NALF1: variants seen among roughly 807,000 people sequenced by gnomAD.
NALF1 encodes NALCN channel auxiliary factor 1.
A neutral mutation model predicts 48.4 loss-of-function variants in NALF1; 3 were observed. That is an observed-to-expected ratio of 0.06 (90% confidence interval 0.03 to 0.16). NALF1 has a LOEUF of 0.16. Ranked by LOEUF, NALF1 falls within the 10% of genes least tolerant of loss-of-function variation. The pLI is 1.00. For synonymous variants in NALF1, 262 were observed against 245.7 expected (o/e 1.07, Z -0.62); for missense variants, 526 against 571.5 (o/e 0.92, Z 0.81).
intron 1 of NALF1, among the ~76,000 whole-genome samples, chr13:107,463,199 T>C (rs1157651136): frequency 6.6e-6 from 1 of 152,240 alleles, no homozygotes. Flanking sequence ...TAAATGTTTT[T>C]TGACATAGGA....
At chr13:107,368,782 G>A (rs1433127654) in intron 1 of NALF1, among the ~76,000 whole-genome samples, 1 of 152,084 alleles carries the variant, frequency 6.6e-6, no homozygotes, top group African/African-American at 2.4e-5. Context: ...TTCCAAATAG[G>A]CAACGCTAAC....
intron 1 of NALF1, among the ~76,000 whole-genome samples, chr13:107,659,060 T>A (rs2138474813): frequency 6.6e-6 from 1 of 151,770 alleles, no homozygotes; most frequent in African/African-American, 2.4e-5. Flanking sequence ...TCTTGTTAAG[T>A]ATTTTATTTG....
chr13:107,743,708 T>C (rs1245148103), intron 1 of NALF1, among the ~76,000 whole-genome samples: 1 of 152,178 alleles, frequency 6.6e-6, no homozygotes, highest in Non-Finnish European at 1.5e-5. Context: ...GTATAGCAGA[T>C]TTGTATACAG....
intron 1 of NALF1, among the ~76,000 whole-genome samples, chr13:107,608,002 C>T (rs56261735): frequency 0.34 from 51,265 of 152,076 alleles, 9,233 homozygotes; most frequent in African/African-American, 0.46. Context: ...TGAAACTCTG[C>T]CATTTTCTTA....
Position 107,591,081 on chromosome 13 carries a change from A to G in NALF1, c.915+274601T>C, listed in dbSNP as rs369310497. Among the ~76,000 whole-genome samples the G allele has an allele frequency of 1.4e-4, 21 of 152,052 alleles. 2 individuals are homozygous for G. Among genetic ancestry groups the G allele is most frequent in the Admixed American group, 1.1e-3 (16 of 15,234 alleles). On this transcript the variant is annotated intron_variant, in intron 1 of 2. Coordinates refer to ENST00000375915, the MANE Select transcript of NALF1 (RefSeq NM_001080396.3). ...GAAACAGTAAAGAGAAAAGAGACCA[A>G]CCAGTGATCCAAATGCCTAATGGAA...
At chr13:107,257,947 T>G (rs1880853096) in intron 1 of NALF1, among the ~76,000 whole-genome samples, 1 of 152,218 alleles carries the variant, frequency 6.6e-6, no homozygotes, top group Non-Finnish European at 1.5e-5. Context: ...AGAGCTCCTT[T>G]ACATAGTGAA....
intron 1 of NALF1, among the ~76,000 whole-genome samples, chr13:107,408,013 C>T (rs1056872578): frequency 6.6e-6 from 1 of 151,978 alleles, no homozygotes; most frequent in Admixed American, 6.6e-5. Flanking sequence ...AAAAGACAAA[C>T]TTCACATTTT....
At chr13:107,185,865 T>A (rs1368268822) in intron 2 of NALF1, among the ~76,000 whole-genome samples, 1 of 152,218 alleles carries the variant, frequency 6.6e-6, no homozygotes, top group African/African-American at 2.4e-5. Flanking sequence ...AGCAGTCTCC[T>A]CAGCTAAGTA....
In NALF1 at chr13:107,773,606, A is replaced by C. The variant is rs146401981; in HGVS notation, c.915+92076T>G. Among the ~76,000 whole-genome samples, 669 of 151,660 alleles carry C rather than the reference A, an allele frequency of 4.4e-3. 5 individuals carry two copies. Among genetic ancestry groups the C allele is most frequent in the Non-Finnish European group, 6.5e-3 (440 of 67,892 alleles). Reference sequence around the variant, plus strand: ...ATTTTTAACAACAGTATGCGTTTTTAGGCTTTGATTTCCTTATCATTTAAA... The same window carrying C: ...ATTTTTAACAACAGTATGCGTTTTTCGGCTTTGATTTCCTTATCATTTAAA... On this transcript the variant is annotated intron_variant, in intron 1 of 2. Coordinates refer to ENST00000375915, the MANE Select transcript of NALF1 (RefSeq NM_001080396.3).
intron 1 of NALF1, among the ~76,000 whole-genome samples, chr13:107,385,594 A>G (rs2138978087): frequency 6.6e-6 from 1 of 151,814 alleles, no homozygotes; most frequent in African/African-American, 2.4e-5. Flanking sequence ...AAAGAAAAAA[A>G]TGCATATCTA....
chr13:107,601,082 AG>A (rs2138424639), intron 1 of NALF1, among the ~76,000 whole-genome samples: 1 of 152,296 alleles, frequency 6.6e-6, no homozygotes, highest in African/African-American at 2.4e-5. Context: ...GAGCCCTGAA[AG>A]CAATGTCAGT....
chr13:107,788,802 G>T (rs1298323865), intron 1 of NALF1: 5 of 151,754 alleles, frequency 3.3e-5, no homozygotes, highest in Admixed American at 6.6e-5. Context: ...AAAAAATTTT[G>T]TCACATAGAC....
intron 1 of NALF1, among the ~76,000 whole-genome samples, chr13:107,570,537 C>T (rs1164171119): frequency 2.7e-5 from 4 of 150,348 alleles, no homozygotes; most frequent in East Asian, 1.9e-4. Flanking sequence ...ATAAATCCCA[C>T]GTGCTCCATA....
chr13:107,798,288 A>G (rs1878495948), intron 1 of NALF1, among the ~76,000 whole-genome samples: 1 of 152,330 alleles, frequency 6.6e-6, no homozygotes, highest in South Asian at 2.1e-4. Context: ...AGTAAAATGT[A>G]CATTAAATAT....
intron 1 of NALF1, among the ~76,000 whole-genome samples, chr13:107,817,318 T>C (rs184308151): frequency 1.3e-5 from 2 of 152,318 alleles, no homozygotes; most frequent in Non-Finnish European, 2.9e-5. Flanking sequence ...AAAACAACAA[T>C]GCATATAGGT....
chr13:107,264,302 T>C (rs186344922), intron 1 of NALF1, among the ~76,000 whole-genome samples: 94 of 152,316 alleles, frequency 6.2e-4, no homozygotes, highest in African/African-American at 2.1e-3. Context: ...TATACAGAAA[T>C]GATTTGTTTC....
rs9559092 is a variant in NALF1 at position 107,607,082 on chromosome 13, G to A, written c.915+258600C>T. Among the ~76,000 whole-genome samples, 3,143 of 152,170 alleles carry A rather than the reference G, an allele frequency of 0.021. 215 individuals are homozygous for A. The East Asian group carries it at 0.26, about 13-fold the overall frequency. ...TTTGTCATCAGTTAATGGCAAAACC[G>A]CAATTACCTTTTGCACTCAATCTAA... On this transcript the variant is annotated intron_variant, in intron 1 of 2. Transcript: ENST00000375915.
chr13:107,572,441 T>C (rs1238568043), intron 1 of NALF1, among the ~76,000 whole-genome samples: 1 of 152,194 alleles, frequency 6.6e-6, no homozygotes, highest in Non-Finnish European at 1.5e-5. Flanking sequence ...CTTGGCTCTC[T>C]TGATGTTACC....
intron 1 of NALF1, among the ~76,000 whole-genome samples, chr13:107,841,638 TA>T (rs200743569): frequency 0.017 from 2,460 of 143,556 alleles, 47 homozygotes; most frequent in South Asian, 0.048. Context: ...GGAATATCCT[TA>T]AAAAAAAAAA....
Sources: allele counts gnomAD v4.1 joint callset (sites outside exome capture counted in the v4.1 genomes callset), GRCh38; gene constraint gnomAD v4.1.1; transcripts MANE v1.5; gene names NCBI Gene and HGNC (gene_info 2026-07-23, HGNC 2026-07-21).